The following GAREM2 variants were observed in gnomAD, a reference collection of about 807,000 sequenced individuals.
GAREM2 encodes the protein GRB2-associated and regulator of MAPK protein 2.
Under a neutral mutation model 55.6 loss-of-function variants are expected in GAREM2, and 30 were observed. The ratio of observed to expected loss-of-function variants is 0.54; its 90% CI spans 0.40 to 0.73. The LOEUF (loss-of-function observed/expected upper bound fraction) is 0.73. Ranked by LOEUF, GAREM2 falls within the 30% of genes least tolerant of loss-of-function variation. The probability of loss-of-function intolerance (pLI) is 0.00; values close to 1 mark genes in which losing one functional copy is unlikely to be tolerated. For synonymous variants in GAREM2, 550 were observed against 569.1 expected, an observed-to-expected ratio of 0.97 and a Z score of 0.48; for missense variants, 1,075 against 1,257.7, an observed-to-expected ratio of 0.85 and a Z score of 2.20.
chr2:26,185,117 G>A lies in GAREM2; in HGVS notation c.1269G>A (p.Pro423=). ...CAGCCGCGCCCGAGCCCGCCGCGCCGCCCGCCGAGATCCCCTACGAGGAGT... is the reference window on the plus strand; with the variant it reads ...CAGCCGCGCCCGAGCCCGCCGCGCCACCCGCCGAGATCCCCTACGAGGAGT... ...DWAAAPEPAA[P]PAEIPYEELW... The change falls in exon 4 of 6, where the codon CCG becomes CCA. Residue 423 remains proline (P), a synonymous_variant. Transcript: ENST00000401533. The A allele has an allele frequency of 6.9e-7, 1 of 1,451,124 alleles. No homozygotes were observed. Among genetic ancestry groups the A allele is most frequent in the Admixed American group, 2.7e-5 (1 of 36,608 alleles). The allele number at this position is 1,451,124 out of a possible 1,614,324, so 89.9% of individuals were successfully genotyped here. A position where few individuals can be genotyped will look rare whatever the true frequency, so the allele number is the denominator to read the frequency against.
At chr2:26,199,847 T>G in the GAREM2 span, among the ~76,000 whole-genome samples, 1 of 152,168 alleles carries the variant, frequency 6.6e-6, no homozygotes, top group East Asian at 1.9e-4. Flanking sequence ...GGATGGACTA[T>G]GAGAGATGTG....
chr2:26,177,697 G>A (rs1668906448), intron 2 of GAREM2, among the ~76,000 whole-genome samples: 3 of 152,094 alleles, frequency 2.0e-5, no homozygotes, highest in South Asian at 4.2e-4. Flanking sequence ...GAGGAGAGGC[G>A]CCATCTTGGC....
At chr2:26,173,614 C>T (rs1189794427) in intron 1 of GAREM2, among the ~76,000 whole-genome samples, 1 of 152,062 alleles carries the variant, frequency 6.6e-6, no homozygotes, top group Non-Finnish European at 1.5e-5. Flanking sequence ...CGAGCCCCTG[C>T]TCCCGCCCCG....
Position 26,183,002 on chromosome 2 carries a change from C to T in GAREM2, c.289C>T (p.Arg97Trp), listed in dbSNP as rs199966839. 78 of 1,551,558 alleles carry T rather than the reference C, an allele frequency of 5.0e-5. No homozygotes were observed. The highest frequency in any genetic ancestry group is 6.3e-5 in the Non-Finnish European group (72 of 1,146,974). The change falls in exon 3 of 6, where the codon CGG becomes TGG. Residue 97 changes from arginine to tryptophan, a missense_variant. Physicochemically the swap from Arg to Trp is moderately radical, Grantham distance 101. This residue lies in a region of GAREM2 where 230 missense variants were observed against 310.6 expected (regional missense o/e 0.74). Transcript: ENST00000401533. ...GCTCCTGGAACAGGCCCGGGATGTG[C>T]GGGAGCCAGTGAGGTACTTCAGCAG... ...FKLLEQARDV[R>W]EPVRYFSSVE...
At chr2:26,177,142 C>T (rs774546550) in intron 2 of GAREM2, among the ~76,000 whole-genome samples, 3 of 152,062 alleles carry the variant, frequency 2.0e-5, no homozygotes, top group Admixed American at 6.5e-5. Flanking sequence ...GATGATGAAA[C>T]GGAAGGCTTG....
rs1263061948 is a variant in GAREM2 at position 26,184,907 on chromosome 2, C to T, written c.1059C>T (p.Asp353=). Residue 353 remains aspartate (D), a synonymous_variant, in exon 4 of 6, where the codon GAC becomes GAT. Coordinates refer to ENST00000401533, the MANE Select transcript of GAREM2 (RefSeq NM_001168241.2). ...DSASYCRERF[D]PDEYSTAVRE... Reference sequence around the variant, plus strand: ...CCTCCTACTGCCGCGAGCGCTTCGACCCCGACGAGTACTCCACGGCCGTGC... The same window carrying T: ...CCTCCTACTGCCGCGAGCGCTTCGATCCCGACGAGTACTCCACGGCCGTGC... 2.1e-6 allele frequency: 3 copies of T among 1,449,064 alleles called. No individual in the cohort carries two copies. Among genetic ancestry groups the T allele is most frequent in the Non-Finnish European group, 2.7e-6 (3 of 1,110,404 alleles). 89.8% of individuals were successfully genotyped at this position (1,449,064 alleles called of 1,614,324 possible).
At chr2:26,201,443 C>CTCAAAATGGGAGTAAT in the GAREM2 span, 1 of 676,434 alleles carries the variant, frequency 1.5e-6, no homozygotes, top group Non-Finnish European at 2.6e-6. Context: ...CTATTACTCC[C>CTCAAAATGGGAGTAAT]ATTTTGAGGG....
Position 26,184,529 on chromosome 2 carries a change from G to C in GAREM2, c.681G>C (p.Leu227=), listed in dbSNP as rs753096677. The C allele has an allele frequency of 6.5e-7, 1 of 1,547,434 alleles. No individual in the cohort carries two copies. Among genetic ancestry groups the C allele is most frequent in the South Asian group, 1.2e-5 (1 of 83,814 alleles). Residue 227 remains leucine (L), a synonymous_variant, in exon 4 of 6, where the codon CTG becomes CTC. Transcript: ENST00000401533. ...TGAACCACCGCACCAACGAAAGCCT[G>C]AGCCTGCCCTTTCAGTGCCAGGGCC... ...ICMNHRTNES[L]SLPFQCQGRF... is the part of the protein sequence containing the mutation.
downstream of GAREM2, among the ~76,000 whole-genome samples, chr2:26,191,841 T>C (rs1254388718): frequency 6.6e-6 from 1 of 152,208 alleles, no homozygotes; most frequent in Admixed American, 6.5e-5. Flanking sequence ...ACTGAGCACC[T>C]AGAACAGGGC....
intron 1 of GAREM2, 94 bp downstream of exon 1, chr2:26,173,426 C>G (rs1668763713): frequency 3.7e-5 from 22 of 595,480 alleles, no homozygotes; most frequent in Non-Finnish European, 5.1e-5. Context: ...GGGTGCGGCA[C>G]CCGCACCCTC....
In GAREM2 at chr2:26,188,323, G is replaced by A; in HGVS notation, c.*66G>A. ...GGGCCCCAGGTACAGCACTCCGGAG[G>A]AGCAGGTGCTGCCTGCAAGAAGGAT... On this transcript the variant is annotated 3_prime_UTR_variant, in exon 6 of 6. Coordinates refer to ENST00000401533, the MANE Select transcript of GAREM2 (RefSeq NM_001168241.2). 3.2e-6 allele frequency: 4 copies of A among 1,244,160 alleles called. No homozygotes were observed. Among genetic ancestry groups the A allele is most frequent in the Non-Finnish European group, 4.3e-6 (4 of 932,646 alleles). The allele number at this position is 1,244,160 out of a possible 1,614,324, so 77.1% of individuals were successfully genotyped here.
At position 26,173,136 on chromosome 2, in the gene GAREM2, G is replaced by C. The variant is rs1168058892; in HGVS notation, c.-85G>C. On this transcript the variant is annotated 5_prime_UTR_variant, in exon 1 of 6. Coordinates refer to ENST00000401533, the MANE Select transcript of GAREM2 (RefSeq NM_001168241.2). ...AGGCGGCGAGCGCCGCGGCGGCCCC[G>C]GGAGGTGGCGGCGGGCGCGAGAGCC... The C allele has an allele frequency of 3.9e-5, 11 of 283,326 alleles. No individual in the cohort carries two copies. Among genetic ancestry groups the C allele is most frequent in the Non-Finnish European group, 3.8e-5 (7 of 186,206 alleles). The allele number at this position is 283,326 out of a possible 1,614,324, so 17.6% of individuals were successfully genotyped here.
chr2:26,179,789 G>T lies in GAREM2; in HGVS notation c.254-3178G>T, dbSNP rs567849781. ...CTTCAGGCTGCCGCGGAGGGGGATG[G>T]TGCTGGATGCCATGGTTACATCGAT... On this transcript the variant is annotated intron_variant, in intron 2 of 5. Coordinates refer to ENST00000401533, the MANE Select transcript of GAREM2 (RefSeq NM_001168241.2). The surrounding 1 kb of genome is among the most constrained non-coding windows in gnomAD (Gnocchi z 4.7). Among the ~76,000 whole-genome samples the T allele has an allele frequency of 1.3e-5, 2 of 152,240 alleles. No individual in the cohort carries two copies. The highest frequency in any genetic ancestry group is 6.5e-5 in the Admixed American group (1 of 15,306).
chr2:26,185,248 C>T lies in GAREM2; in HGVS notation c.1400C>T (p.Pro467Leu), dbSNP rs1669209476. The change falls in exon 4 of 6, where the codon CCG becomes CTG. Residue 467 changes from proline (P) to leucine (L), a missense_variant. Physicochemically the swap from Pro to Leu is moderately conservative, Grantham distance 98. Around this residue, in one of 6 missense-constraint regions of GAREM2, gnomAD observed 515 missense variants for 501.5 expected, o/e 1.03. Coordinates refer to ENST00000401533, the MANE Select transcript of GAREM2 (RefSeq NM_001168241.2). ...CCGCGTCGGGAGCCGGAAGCGCCGC[C>T]GCCTCCAGTCCCTCCCAAATCCGAG... ...GPPRREPEAPPPPVPPKSEAV... is the reference protein window; with the variant it reads ...GPPRREPEAPLPPVPPKSEAV... 1 of 1,521,300 alleles carries T rather than the reference C, an allele frequency of 6.6e-7. No individual in the cohort carries two copies. Among genetic ancestry groups the T allele is most frequent in the Non-Finnish European group, 8.8e-7 (1 of 1,141,246 alleles). 94.2% of individuals were successfully genotyped at this position (1,521,300 alleles called of 1,614,324 possible).
chr2:26,176,876 C>T (rs4665831), intron 2 of GAREM2, among the ~76,000 whole-genome samples: 14,536 of 152,108 alleles, frequency 0.096, 2,333 homozygotes, highest in East Asian at 0.76. Flanking sequence ...AACCAAATAC[C>T]GCAGAAACCA....
intron 1 of GAREM2, among the ~76,000 whole-genome samples, chr2:26,175,497 G>C (rs1465196773): frequency 6.6e-6 from 1 of 151,980 alleles, no homozygotes; most frequent in African/African-American, 2.4e-5. Flanking sequence ...TGGGGAGGGG[G>C]TGTCAAGGAG....
the GAREM2 span, among the ~76,000 whole-genome samples, chr2:26,196,941 TCTG>T: frequency 6.6e-6 from 1 of 152,218 alleles, no homozygotes; most frequent in Admixed American, 6.5e-5. Flanking sequence ...TCACTTCTAA[TCTG>T]CTGTGTGCTA....
chr2:26,191,344 A>T, downstream of GAREM2: 1 of 1,614,074 alleles, frequency 6.2e-7, no homozygotes. Context: ...ATATTTCTTG[A>T]GCCGGTCCAC....
downstream of GAREM2, among the ~76,000 whole-genome samples, chr2:26,193,946 A>G (rs1315938733): frequency 6.6e-6 from 1 of 152,248 alleles, no homozygotes; most frequent in Non-Finnish European, 1.5e-5. Flanking sequence ...GTTTGGGGCC[A>G]CAAGTGGAAA....
Sources: gnomAD v4.1 joint callset for allele counts (sites outside exome capture counted in the v4.1 genomes callset) on GRCh38, gnomAD v4.1.1 for gene constraint, gnomAD v4.1.1 regional missense constraint, Gnocchi (gnomAD v3.1) non-coding constraint, MANE v1.5 for transcripts, NCBI Gene and HGNC (gene_info 2026-07-23, HGNC 2026-07-21) for gene names.